BMP2K: variants seen among roughly 807,000 people sequenced by gnomAD.
BMP2K encodes BMP2 inducible kinase.
Under a neutral mutation model 116.0 loss-of-function variants are expected in BMP2K, and 74 were observed. The observed-to-expected ratio is 0.64, with a 90% CI of 0.53 to 0.77. The LOEUF is 0.77. Among genes scored for constraint, BMP2K ranks in the 30% least tolerant of loss-of-function variants. The pLI is 0.00. For missense variants in BMP2K, 1,365 were observed against 1,403.6 expected (o/e 0.97, Z 0.44); for synonymous variants, 486 against 502.5 (o/e 0.97, Z 0.44).
intron 7 of BMP2K, 84 bp downstream of exon 7, chr4:78,851,140 T>C: frequency 2.4e-6 from 3 of 1,275,036 alleles, no homozygotes; most frequent in Non-Finnish European, 3.1e-6. Context: ...TTAAATCTAG[T>C]CTTAATTTCA....
At chr4:78,810,008 T>C (rs1363560588) in intron 1 of BMP2K, among the ~76,000 whole-genome samples, 1 of 152,186 alleles carries the variant, frequency 6.6e-6, no homozygotes, top group Non-Finnish European at 1.5e-5. Flanking sequence ...ACTCTCAGGA[T>C]TTTTTGTTGT....
chr4:78,794,315 G>A (rs149458622), intron 1 of BMP2K, among the ~76,000 whole-genome samples: 18 of 152,192 alleles, frequency 1.2e-4, no homozygotes, highest in African/African-American at 2.6e-4. Context: ...TTAACAGACC[G>A]TCATTAGGTA....
chr4:78,870,952 GCAA>G lies in BMP2K; in HGVS notation c.1404_1406del (p.Gln486del), dbSNP rs777383965. The stretch of plus-strand genomic sequence containing the variant: ...ACCAGCAGCAGCAGCAGCAGCAGCA[GCAA>G]CAGCAACAGCAGCAGCAGCAACAGC... On this transcript the variant is annotated inframe_deletion, in exon 11 of 16. Coordinates refer to ENST00000502613, the MANE Select transcript of BMP2K (RefSeq NM_198892.2). The G allele has an allele frequency of 6.2e-6, 10 of 1,607,712 alleles. No individual in the cohort carries two copies. In the African/African-American group the frequency reaches 1.4e-4, roughly 22 times the overall value.
In BMP2K at chr4:78,915,607, G is replaced by C. The variant is rs184964298; in HGVS notation, c.*3574G>C. On this transcript the variant is annotated 3_prime_UTR_variant, in exon 16 of 16. Coordinates refer to ENST00000502613, the MANE Select transcript of BMP2K (RefSeq NM_198892.2). Reference sequence around the variant, plus strand: ...TTATTTGAGAACTTTTATACTCAGTGGTGTTTTATATATTAAGATAAAAAT... The same window carrying C: ...TTATTTGAGAACTTTTATACTCAGTCGTGTTTTATATATTAAGATAAAAAT... 1 of 151,792 alleles carries C rather than the reference G, an allele frequency of 6.6e-6. No individual in the cohort carries two copies. Among genetic ancestry groups the C allele is most frequent in the Admixed American group, 6.6e-5 (1 of 15,212 alleles). The allele number at this position is 151,792 out of a possible 1,614,324, so 9.4% of individuals were successfully genotyped here.
At chr4:78,904,246 A>G (rs1170849519) in intron 15 of BMP2K, among the ~76,000 whole-genome samples, 1 of 151,940 alleles carries the variant, frequency 6.6e-6, no homozygotes, top group African/African-American at 2.4e-5. Flanking sequence ...AAAAGTTCTA[A>G]GAAAGATCAT....
chr4:78,837,537 C>T (rs1452387760), intron 3 of BMP2K, among the ~76,000 whole-genome samples: 1 of 152,146 alleles, frequency 6.6e-6, no homozygotes, highest in African/African-American at 2.4e-5. Flanking sequence ...TAAAGTACAC[C>T]TTGTTACCAT....
rs1470083599 is a variant in BMP2K, at chr4:78,912,941, T to TA, written c.*910dup. ...CCCCAAACTTTTATTGTGATGGCCCTAATAAAGCAGATTATTGGAAAAATT... is the reference window on the plus strand; with the variant it reads ...CCCCAAACTTTTATTGTGATGGCCCTAAATAAAGCAGATTATTGGAAAAATT... On this transcript the variant is annotated 3_prime_UTR_variant, in exon 16 of 16. Coordinates refer to ENST00000502613, the MANE Select transcript of BMP2K (RefSeq NM_198892.2). 6.6e-6 allele frequency: 1 copy of TA among 152,154 alleles called. No individual in the cohort carries two copies. The allele number at this position is 152,154 out of a possible 1,614,324, so 9.4% of individuals were successfully genotyped here. A position where few individuals can be genotyped will look rare whatever the true frequency, so the allele number is the denominator to read the frequency against.
intron 15 of BMP2K, among the ~76,000 whole-genome samples, chr4:78,894,027 T>G (rs1315127530): frequency 6.6e-6 from 1 of 152,220 alleles, no homozygotes; most frequent in Non-Finnish European, 1.5e-5. Flanking sequence ...AGGAATCTTC[T>G]TTTCTGAGCA....
chr4:78,859,834 A>G (rs537123895), intron 8 of BMP2K, 147 bp downstream of exon 8: 2 of 629,580 alleles, frequency 3.2e-6, no homozygotes, highest in Admixed American at 2.9e-5. Context: ...TGTGTGTTTG[A>G]TATTTGTGGT....
chr4:78,851,032 T>A lies in BMP2K; in HGVS notation c.859T>A (p.Ser287Thr). Reference sequence around the variant, plus strand: ...CACCATCCCAGACAATTCTCGTTACTCCCGTAACATACATTGCTTAATAAG... The same window carrying A: ...CACCATCCCAGACAATTCTCGTTACACCCGTAACATACATTGCTTAATAAG... ...NFTIPDNSRY[S>T]RNIHCLIRFM... The change falls in exon 7 of 16, where the codon TCC becomes ACC. Residue 287 changes from serine (S) to threonine (T), a missense_variant. By Grantham distance (58) the Ser-to-Thr change is moderately conservative (BLOSUM62 1). Transcript: ENST00000502613. 2 of 1,611,346 alleles carry A rather than the reference T, an allele frequency of 1.2e-6. No individual in the cohort carries two copies. Among genetic ancestry groups the A allele is most frequent in the Non-Finnish European group, 1.7e-6 (2 of 1,178,406 alleles).
At chr4:78,851,592 C>T (rs1338198995) in intron 7 of BMP2K, among the ~76,000 whole-genome samples, 2 of 152,000 alleles carry the variant, frequency 1.3e-5, no homozygotes, top group African/African-American at 4.8e-5. Flanking sequence ...CATTCAAGTA[C>T]CCCTTGTTGT....
At chr4:78,896,268 C>T (rs1733698281) in intron 15 of BMP2K, among the ~76,000 whole-genome samples, 1 of 152,094 alleles carries the variant, frequency 6.6e-6, no homozygotes, top group Admixed American at 6.6e-5. Context: ...GTTTTTTATA[C>T]AAATGCCTAT....
chr4:78,901,811 C>A (rs1238802074), intron 15 of BMP2K, among the ~76,000 whole-genome samples: 1 of 152,174 alleles, frequency 6.6e-6, no homozygotes, highest in Non-Finnish European at 1.5e-5. Flanking sequence ...GTTTTAGTGA[C>A]ATGTAGGCCA....
intron 2 of BMP2K, among the ~76,000 whole-genome samples, chr4:78,832,064 T>C (rs1730235143): frequency 6.6e-6 from 1 of 152,190 alleles, no homozygotes; most frequent in South Asian, 2.1e-4. Flanking sequence ...ACACAATTTA[T>C]TTATCATTCA....
intron 1 of BMP2K, among the ~76,000 whole-genome samples, chr4:78,779,486 T>C (rs1727402716): frequency 6.6e-6 from 1 of 152,164 alleles, no homozygotes; most frequent in South Asian, 2.1e-4. Context: ...AAATAGACCA[T>C]GAAAAGGACA....
At chr4:78,869,092 C>G (rs1315444609) in intron 10 of BMP2K, among the ~76,000 whole-genome samples, 1 of 152,194 alleles carries the variant, frequency 6.6e-6, no homozygotes, top group Non-Finnish European at 1.5e-5. Context: ...CCCATAAGGG[C>G]CCTGCCCCTG....
At chr4:78,861,031 TA>T (rs1225647939) in intron 8 of BMP2K, among the ~76,000 whole-genome samples, 1 of 151,870 alleles carries the variant, frequency 6.6e-6, no homozygotes, top group Admixed American at 6.6e-5. Context: ...ACTTAATTCT[TA>T]TCCTTGGTGT....
chr4:78,783,152 A>G (rs1727587264), intron 1 of BMP2K, among the ~76,000 whole-genome samples: 1 of 152,190 alleles, frequency 6.6e-6, no homozygotes, highest in Admixed American at 6.5e-5. Flanking sequence ...TGTTTGAAAA[A>G]TATCTGAATA....
Position 78,910,833 on chromosome 4 carries a change from A to C in BMP2K, c.2286A>C (p.Glu762Asp), listed in dbSNP as rs761239283. 1.9e-6 allele frequency: 3 copies of C among 1,613,056 alleles called. No homozygotes were observed. The South Asian group carries it at 3.3e-5, about 18-fold the overall frequency. The change falls in exon 16 of 16, where the codon GAA (glutamate) becomes GAC (aspartate). Residue 762 changes from glutamate to aspartate, a missense_variant. Glu to Asp is a conservative substitution (Grantham distance 45). Coordinates refer to ENST00000502613, the MANE Select transcript of BMP2K (RefSeq NM_198892.2). ...KSSEEEEQDD[E>D]EVLQGEQGDF... ...GTGAAGAGGAAGAGCAAGATGATGAAGAAGTTCTTCAGGGGGAACAAGGAG... is the reference window on the plus strand; with the variant it reads ...GTGAAGAGGAAGAGCAAGATGATGACGAAGTTCTTCAGGGGGAACAAGGAG...
Sources: gnomAD v4.1 joint callset for allele counts (sites outside exome capture counted in the v4.1 genomes callset) on GRCh38, gnomAD v4.1.1 for gene constraint, MANE v1.5 for transcripts, NCBI Gene and HGNC (gene_info 2026-07-23, HGNC 2026-07-21) for gene names.